Variants in KLHL13 observed in about 807,000 individuals in gnomAD.
The protein encoded by KLHL13 is kelch like family member 13, also known as kelch-like protein 13.
In KLHL13, 10 loss-of-function variants were observed where a neutral mutation model predicts 37.1. The ratio of observed to expected loss-of-function variants is 0.27; its 90% confidence interval spans 0.17 to 0.46. The LOEUF (loss-of-function observed/expected upper bound fraction) is 0.46. Among genes scored for constraint, KLHL13 ranks in the 20% least tolerant of loss-of-function variants. The pLI, the probability that KLHL13 is intolerant of heterozygous loss-of-function variation, is 1.00. For synonymous variants in KLHL13, 163 were observed against 181.2 expected (o/e 0.90, Z 0.81); for missense variants, 360 against 509.3 (o/e 0.71, Z 2.82).
chrX:118,085,374 G>A (rs1380440952), intron 1 of KLHL13, among the ~76,000 whole-genome samples: 1 of 110,945 alleles, frequency 9.0e-6, no homozygotes, highest in Non-Finnish European at 1.9e-5. Flanking sequence ...GCCAGGAACT[G>A]GGGAGAGGGG....
chrX:117,914,649 G>A (rs750382286), intron 4 of KLHL13, among the ~76,000 whole-genome samples: 2 of 111,762 alleles, frequency 1.8e-5, no homozygotes, highest in African/African-American at 6.5e-5. Flanking sequence ...TAAGAACAAA[G>A]GGATAATTGA....
At chrX:118,104,263 G>A (rs1024376059) in intron 1 of KLHL13, among the ~76,000 whole-genome samples, 2 of 110,412 alleles carry the variant, frequency 1.8e-5, no homozygotes, top group Admixed American at 2.0e-4. Flanking sequence ...CCAATACTAT[G>A]CCCCAGCCAA....
chrX:117,965,823 A>G (rs959430041), intron 1 of KLHL13, among the ~76,000 whole-genome samples: 6 of 111,893 alleles, frequency 5.4e-5, no homozygotes, highest in Non-Finnish European at 1.1e-4. Flanking sequence ...ATCTCAATAG[A>G]TGCAGAAAAG....
chrX:118,033,193 C>A (rs987978036), intron 1 of KLHL13, among the ~76,000 whole-genome samples: 2 of 111,109 alleles, frequency 1.8e-5, no homozygotes, highest in Non-Finnish European at 3.8e-5. Flanking sequence ...GGAGAACTTC[C>A]CCAATCTAGC....
intron 6 of KLHL13, 76 bp from the exon 8 acceptor site, chrX:117,899,471 A>G: frequency 1.1e-6 from 1 of 931,106 alleles, no homozygotes. Context: ...TCTGTCACAG[A>G]TAACTTTTAG....
At chrX:118,096,696 C>G (rs1168358508) in intron 1 of KLHL13, among the ~76,000 whole-genome samples, 4 of 111,230 alleles carry the variant, frequency 3.6e-5, no homozygotes, top group Admixed American at 9.6e-5. Context: ...ACTGGCAAAC[C>G]GAATCCAGCA....
chrX:117,907,715 A>AC (rs1230221784), intron 5 of KLHL13, among the ~76,000 whole-genome samples: 6 of 111,213 alleles, frequency 5.4e-5, no homozygotes. Flanking sequence ...ATATTGGAAA[A>AC]CCTATGCAGT....
rs767876020 is a variant in KLHL13, at chrX:117,920,377, C to G, written c.241-7G>C. 1.7e-6 allele frequency: 2 copies of G among 1,202,314 alleles called. No individual in the cohort carries two copies. Among genetic ancestry groups the G allele is most frequent in the South Asian group, 1.8e-5 (1 of 54,831 alleles). ...GTCGAAGCTGGTCAAAGCCCTACAACAAGAACATGAGTTGAGTCACTAATC... is the reference window on the plus strand; with the variant it reads ...GTCGAAGCTGGTCAAAGCCCTACAAGAAGAACATGAGTTGAGTCACTAATC... On this transcript the variant is annotated splice_region_variant and splice_polypyrimidine_tract_variant and intron_variant, in intron 2 of 6. Transcript: ENST00000262820.
At chrX:118,006,728 A>C (rs936536314) in intron 1 of KLHL13, among the ~76,000 whole-genome samples, 1 of 111,841 alleles carries the variant, frequency 8.9e-6, no homozygotes, top group Non-Finnish European at 1.9e-5. Flanking sequence ...TAAAAACAAA[A>C]AAAAAGGAAG....
intron 4 of KLHL13, among the ~76,000 whole-genome samples, chrX:117,912,337 A>G (rs1252584893): frequency 8.9e-6 from 1 of 112,137 alleles, no homozygotes; most frequent in African/African-American, 3.2e-5. Context: ...TTAAGAAGAC[A>G]AAATGATACT....
At chrX:118,071,091 A>AT (rs1283433310) in intron 1 of KLHL13, among the ~76,000 whole-genome samples, 1 of 111,502 alleles carries the variant, frequency 9.0e-6, no homozygotes, top group African/African-American at 3.3e-5. Context: ...TGAACTCATC[A>AT]TTTTTTATGG....
rs185247845 is a variant in KLHL13, at chrX:118,040,401, G to A, written c.-56+76107C>T. On this transcript the variant is annotated intron_variant, in intron 1 of 6. Coordinates refer to the KLHL13 transcript ENST00000371882. ...GAATTCAGAATCCTATCAGACGAGA[G>A]CTGAAAAATACAAATGACATACTGA... is the stretch of plus-strand genomic sequence containing the variant. 1.5e-3 allele frequency among the ~76,000 whole-genome samples: 164 copies of A among 111,520 alleles called. 2 individuals are homozygous for A. Among genetic ancestry groups the A allele is most frequent in the African/African-American group, 5.2e-3 (159 of 30,752 alleles).
At chrX:117,935,879 C>T (rs1932750580) in intron 2 of KLHL13, among the ~76,000 whole-genome samples, 3 of 111,299 alleles carry the variant, frequency 2.7e-5, no homozygotes, top group Non-Finnish European at 5.7e-5. Flanking sequence ...CAAATATGGG[C>T]TTCTTTTTGA....
At chrX:118,098,424 A>C (rs1193331896) in intron 1 of KLHL13, among the ~76,000 whole-genome samples, 30 of 111,122 alleles carry the variant, frequency 2.7e-4, no homozygotes, top group Non-Finnish European at 5.3e-4. Flanking sequence ...GTCAGGAAAC[A>C]ACAGGTGCTG....
At chrX:117,972,258 TAA>T (rs1360127439) in intron 1 of KLHL13, among the ~76,000 whole-genome samples, 3 of 111,893 alleles carry the variant, frequency 2.7e-5, no homozygotes, top group East Asian at 5.6e-4. Flanking sequence ...AACTAAAGTA[TAA>T]AAGTCTCAAT....
chrX:117,983,258 T>C (rs1279675561), intron 1 of KLHL13, among the ~76,000 whole-genome samples: 1 of 111,343 alleles, frequency 9.0e-6, no homozygotes, highest in Non-Finnish European at 1.9e-5. Flanking sequence ...AAGTAATTTA[T>C]GTTTGTGAAA....
chrX:117,959,549 G>A (rs1031986823), intron 1 of KLHL13, among the ~76,000 whole-genome samples: 2 of 111,759 alleles, frequency 1.8e-5, no homozygotes, highest in Non-Finnish European at 3.8e-5. Flanking sequence ...TGAAGAAATG[G>A]TATTTTTAAA....
Position 117,944,003 on chromosome X carries a change from T to A in KLHL13, c.240+1431A>T, listed in dbSNP as rs190199316. The stretch of plus-strand genomic sequence containing the variant: ...GTCTTTAATGTTGGTGACCTTCAGA[T>A]GCGGTTTCTGTGTGGATGCCATTTT... On this transcript the variant is annotated intron_variant, in intron 2 of 6. Transcript: ENST00000262820. Among the ~76,000 whole-genome samples, 121 of 111,333 alleles carry A rather than the reference T, an allele frequency of 1.1e-3. 1 individual carries two copies. The highest frequency in any genetic ancestry group is 3.8e-3 in the African/African-American group (118 of 30,653).
chrX:118,020,989 T>G (rs1425078038), intron 1 of KLHL13, among the ~76,000 whole-genome samples: 1 of 42,824 alleles, frequency 2.3e-5, no homozygotes, highest in Admixed American at 3.8e-4. Context: ...TGGGGACTGT[T>G]GTGGGGTGGG....
Sources: allele counts gnomAD v4.1 joint callset (sites outside exome capture counted in the v4.1 genomes callset), GRCh38; gene constraint gnomAD v4.1.1; transcripts MANE v1.5; gene names NCBI Gene and HGNC (gene_info 2026-07-23, HGNC 2026-07-21).